Variants in POU6F2 observed in about 807,000 individuals in gnomAD.
The protein encoded by POU6F2 is POU class 6 homeobox 2.
In POU6F2, 31 loss-of-function variants were observed where a neutral mutation model predicts 71.3. That is an observed-to-expected ratio of 0.43 (90% confidence interval 0.33 to 0.59). The LOEUF (loss-of-function observed/expected upper bound fraction) is 0.59, where lower values mean the gene tolerates loss of function less well. Among genes scored for constraint, POU6F2 ranks in the 20% least tolerant of loss-of-function variants. The probability of loss-of-function intolerance (pLI) is 0.04; values close to 1 mark genes in which losing one functional copy is unlikely to be tolerated. For synonymous variants in POU6F2, 347 were observed against 355.7 expected, an observed-to-expected ratio of 0.98 and a Z score of 0.27; for missense variants, 783 against 856.8, an observed-to-expected ratio of 0.91 and a Z score of 1.07.
At chr7:39,013,342 C>G in intron 1 of POU6F2, 1 of 152,462 alleles carries the variant, frequency 6.6e-6, no homozygotes, top group South Asian at 2.1e-4. Flanking sequence ...ACTCCCTGAC[C>G]CCTTGCGCTT....
At chr7:39,288,425 G>C (rs1784690716) in intron 4 of POU6F2, among the ~76,000 whole-genome samples, 1 of 152,166 alleles carries the variant, frequency 6.6e-6, no homozygotes. Context: ...AGAGCTTCTA[G>C]CATAGTGACT....
intron 2 of POU6F2, among the ~76,000 whole-genome samples, chr7:39,137,592 G>A (rs1792412694): frequency 1.3e-5 from 2 of 152,134 alleles, no homozygotes; most frequent in Admixed American, 6.5e-5. Context: ...TAGTTAAAGA[G>A]CTTTCAACTT....
rs150006644 is a variant in POU6F2 at position 39,397,814 on chromosome 7, G to GTATATATATATATATA, written c.973-8781_973-8766dup. On this transcript the variant is annotated intron_variant, in intron 5 of 9. Transcript: ENST00000518318. Reference sequence around the variant, plus strand: ...ATAATATGTATTTTATATATTTTGTGTATATATATATATATATATAGTAGA... The same window carrying GTATATATATATATATA: ...ATAATATGTATTTTATATATTTTGTGTATATATATATATATATATATATATATATATATATAGTAGA... Among the ~76,000 whole-genome samples the GTATATATATATATATA allele has an allele frequency of 7.9e-3, 1,015 of 128,340 alleles. 12 individuals carry two copies. Among genetic ancestry groups the GTATATATATATATATA allele is most frequent in the Non-Finnish European group, 0.011 (680 of 63,588 alleles). 84.2% of individuals were successfully genotyped at this position (128,340 alleles called of 152,430 possible).
At chr7:39,082,574 G>A (rs1037087234) in intron 1 of POU6F2, among the ~76,000 whole-genome samples, 3 of 151,996 alleles carry the variant, frequency 2.0e-5, no homozygotes, top group Non-Finnish European at 4.4e-5. Context: ...TCTTCACTAC[G>A]ACAGAAAGGA....
At chr7:39,211,448 G>A (rs1477404737) in intron 4 of POU6F2, among the ~76,000 whole-genome samples, 1 of 152,170 alleles carries the variant, frequency 6.6e-6, no homozygotes, top group Admixed American at 6.5e-5. Flanking sequence ...CTTACATAGT[G>A]GAAGCCCTCT....
intron 4 of POU6F2, among the ~76,000 whole-genome samples, chr7:39,294,946 CAG>C (rs2128763120): frequency 6.6e-6 from 1 of 152,284 alleles, no homozygotes; most frequent in Non-Finnish European, 1.5e-5. Flanking sequence ...GCATTGAAAT[CAG>C]GGGCGGGTCC....
chr7:39,046,729 G>T (rs150710436), intron 1 of POU6F2, among the ~76,000 whole-genome samples: 293 of 151,892 alleles, frequency 1.9e-3, no homozygotes, highest in African/African-American at 7.0e-3. Flanking sequence ...CCTTCTCACT[G>T]GTTATGACAA....
chr7:39,087,723 C>T (rs1319958105), intron 2 of POU6F2, among the ~76,000 whole-genome samples: 2 of 152,032 alleles, frequency 1.3e-5, no homozygotes. Flanking sequence ...CATTTTTGTT[C>T]CTAAACTTTG....
At chr7:39,425,557 T>G (rs936905514) in intron 6 of POU6F2, among the ~76,000 whole-genome samples, 1 of 152,198 alleles carries the variant, frequency 6.6e-6, no homozygotes, top group African/African-American at 2.4e-5. Context: ...TGCATTCGAA[T>G]AGTATACACG....
intron 9 of POU6F2, among the ~76,000 whole-genome samples, chr7:39,463,810 C>T (rs769796546): frequency 3.3e-5 from 5 of 152,136 alleles, no homozygotes; most frequent in Non-Finnish European, 7.4e-5. Context: ...CACTTCTTAG[C>T]GTTAATTTTT....
intron 2 of POU6F2, among the ~76,000 whole-genome samples, chr7:39,127,685 A>C (rs1792168479): frequency 6.6e-6 from 1 of 152,032 alleles, no homozygotes; most frequent in Non-Finnish European, 1.5e-5. Flanking sequence ...GCCCTGAATG[A>C]AGGGAGAGAT....
chr7:39,110,992 TAAA>T (rs949942675), intron 2 of POU6F2, among the ~76,000 whole-genome samples: 9 of 151,930 alleles, frequency 5.9e-5, no homozygotes, highest in African/African-American at 2.2e-4. Context: ...ATTATATGTG[TAAA>T]AAATTTTAAA....
chr7:39,328,898 C>T (rs2115559425), intron 4 of POU6F2: 1 of 152,330 alleles, frequency 6.6e-6, no homozygotes, highest in Non-Finnish European at 1.5e-5. Flanking sequence ...TGCCGTCTTT[C>T]TGTACTTCCC....
chr7:39,130,116 T>C (rs1436009918), intron 2 of POU6F2, among the ~76,000 whole-genome samples: 2 of 136,728 alleles, frequency 1.5e-5, no homozygotes, highest in African/African-American at 5.4e-5. Flanking sequence ...TTAAGTAAAA[T>C]ACCATTTTTT....
At chr7:39,002,538 G>T (rs994592596) in intron 1 of POU6F2, among the ~76,000 whole-genome samples, 2 of 152,302 alleles carry the variant, frequency 1.3e-5, no homozygotes, top group East Asian at 1.9e-4. Context: ...AGTAGAAATG[G>T]GTTTCACCTT....
intron 1 of POU6F2, among the ~76,000 whole-genome samples, chr7:39,021,897 G>A (rs1789686625): frequency 6.6e-6 from 1 of 151,940 alleles, no homozygotes; most frequent in African/African-American, 2.4e-5. Flanking sequence ...ATCTAATTCT[G>A]CTAGCCCACA....
chr7:39,406,941 A>C (rs1787446501), intron 6 of POU6F2, among the ~76,000 whole-genome samples: 1 of 152,074 alleles, frequency 6.6e-6, no homozygotes, highest in African/African-American at 2.4e-5. Flanking sequence ...CTACCTCTAG[A>C]TTGCCAAAGT....
chr7:39,436,795 C>T (rs1281847955), intron 7 of POU6F2, among the ~76,000 whole-genome samples: 4 of 152,060 alleles, frequency 2.6e-5, no homozygotes, highest in Non-Finnish European at 4.4e-5. Flanking sequence ...GAGATATGTT[C>T]CATCAATACC....
At chr7:39,089,413 C>T (rs963068672) in intron 2 of POU6F2, among the ~76,000 whole-genome samples, 7 of 152,170 alleles carry the variant, frequency 4.6e-5, no homozygotes, top group African/African-American at 1.7e-4. Context: ...GGCGCTGTGT[C>T]TCACAGGGCT....
Sources: gnomAD v4.1 joint callset for allele counts (sites outside exome capture counted in the v4.1 genomes callset) on GRCh38, gnomAD v4.1.1 for gene constraint, MANE v1.5 for transcripts, NCBI Gene and HGNC (gene_info 2026-07-23, HGNC 2026-07-21) for gene names.